Variants in INPP4B observed in about 807,000 individuals in gnomAD.
The protein encoded by INPP4B is inositol polyphosphate 4-phosphatase type II.
In INPP4B, 55 loss-of-function variants were observed where a neutral mutation model predicts 122.5. That is an observed-to-expected ratio of 0.45 (90% CI 0.36 to 0.56). The LOEUF (loss-of-function observed/expected upper bound fraction) is 0.56. Ranked by LOEUF, INPP4B falls within the 20% of genes least tolerant of loss-of-function variation. INPP4B has a pLI of 0.00. For synonymous variants in INPP4B, 403 were observed against 388.7 expected, an observed-to-expected ratio of 1.04 and a Z score of -0.43; for missense variants, 1,000 against 1,097.7, an observed-to-expected ratio of 0.91 and a Z score of 1.26.
chr4:142,352,169 C>T (rs1385309939), intron 7 of INPP4B, among the ~76,000 whole-genome samples: 1 of 151,800 alleles, frequency 6.6e-6, no homozygotes, highest in South Asian at 2.1e-4. Flanking sequence ...TTCTAAAGAC[C>T]GCTTTGTGTT....
intron 17 of INPP4B, among the ~76,000 whole-genome samples, chr4:142,149,966 C>A (rs1812920290): frequency 6.6e-6 from 1 of 152,188 alleles, no homozygotes; most frequent in South Asian, 2.1e-4. Flanking sequence ...TATTTTGAAA[C>A]TACGATGCTA....
At chr4:142,208,576 T>G in intron 13 of INPP4B, 47 bp from the exon 14 acceptor site, 1 of 1,011,670 alleles carries the variant, frequency 9.9e-7, no homozygotes, top group Non-Finnish European at 1.5e-6. Flanking sequence ...AATGATAAAT[T>G]AATATGTGTG....
At chr4:142,626,357 CTT>C (rs1180686398) in intron 2 of INPP4B, among the ~76,000 whole-genome samples, 1 of 151,942 alleles carries the variant, frequency 6.6e-6, no homozygotes, top group African/African-American at 2.4e-5. Flanking sequence ...CAGGGATCTT[CTT>C]TAAGTCAGAA....
chr4:142,666,873 C>T (rs1332598762), intron 2 of INPP4B, among the ~76,000 whole-genome samples: 12 of 152,144 alleles, frequency 7.9e-5, no homozygotes, highest in Non-Finnish European at 1.0e-4. Context: ...GTCAACACAA[C>T]CTGAGACTTT....
chr4:142,152,969 T>TA (rs577988206), intron 17 of INPP4B, among the ~76,000 whole-genome samples: 105 of 151,704 alleles, frequency 6.9e-4, no homozygotes, highest in African/African-American at 1.4e-3. Context: ...TATTTGGTAG[T>TA]AAAAAAAAAC....
chr4:142,633,568 T>C, intron 2 of INPP4B, among the ~76,000 whole-genome samples: 1 of 152,196 alleles, frequency 6.6e-6, no homozygotes, highest in Non-Finnish European at 1.5e-5. Context: ...AAGATCATGA[T>C]TGTTGGAGAA....
intron 1 of INPP4B, among the ~76,000 whole-genome samples, chr4:142,842,822 T>C (rs1284541610): frequency 1.5e-5 from 2 of 134,690 alleles, no homozygotes; most frequent in South Asian, 2.2e-4. Flanking sequence ...GTATGATATA[T>C]ATAAATTTAT....
At chr4:142,546,715 C>T (rs1829686038) in intron 2 of INPP4B, among the ~76,000 whole-genome samples, 1 of 152,250 alleles carries the variant, frequency 6.6e-6, no homozygotes, top group South Asian at 2.1e-4. Flanking sequence ...GTAGAGTCTT[C>T]ATATTGTCGG....
chr4:142,481,867 T>G, intron 2 of INPP4B, among the ~76,000 whole-genome samples: 1 of 152,192 alleles, frequency 6.6e-6, no homozygotes. Flanking sequence ...CTAGTGTTAA[T>G]AAGGAACTGG....
At chr4:142,792,295 A>T (rs1776656083) in intron 1 of INPP4B, among the ~76,000 whole-genome samples, 1 of 152,040 alleles carries the variant, frequency 6.6e-6, no homozygotes, top group Non-Finnish European at 1.5e-5. Flanking sequence ...TCCAATTGGC[A>T]AAACAATACA....
chr4:142,621,412 C>T lies in INPP4B; in HGVS notation c.-191+104427G>A, dbSNP rs571926687. Among the ~76,000 whole-genome samples, 3 of 152,038 alleles carry T rather than the reference C, an allele frequency of 2.0e-5. No homozygotes were observed. The South Asian group carries it at 6.2e-4, about 32-fold the overall frequency. ...TACAACCACACACCACTTATACAGT[C>T]CCCGTGCACTTGAAATTGCTTTAGA... On this transcript the variant is annotated intron_variant, in intron 2 of 25. Coordinates refer to ENST00000262992, the MANE Select transcript of INPP4B (RefSeq NM_001101669.3).
chr4:142,303,989 G>A (rs565969201), intron 9 of INPP4B, among the ~76,000 whole-genome samples: 17 of 152,176 alleles, frequency 1.1e-4, no homozygotes, highest in African/African-American at 4.1e-4. Context: ...TCTAAATGTT[G>A]CACTAGTGTG....
At chr4:142,277,135 G>T (rs1284127121) in intron 9 of INPP4B, among the ~76,000 whole-genome samples, 1 of 149,872 alleles carries the variant, frequency 6.7e-6, no homozygotes, top group African/African-American at 2.4e-5. Context: ...CTTCTTTAGA[G>T]AATTGTCTAT....
chr4:142,731,487 A>G (rs745474328), intron 1 of INPP4B, among the ~76,000 whole-genome samples: 1 of 152,228 alleles, frequency 6.6e-6, no homozygotes, highest in Admixed American at 6.5e-5. Context: ...AATCTTGAAT[A>G]TAAGGCTTTT....
chr4:142,133,969 C>T (rs1383278014), intron 18 of INPP4B, among the ~76,000 whole-genome samples: 1 of 152,160 alleles, frequency 6.6e-6, no homozygotes, highest in East Asian at 1.9e-4. Flanking sequence ...TTTTTTTCTA[C>T]AGCCTCTGTC....
chr4:142,386,568 T>C (rs1479891998), intron 7 of INPP4B, among the ~76,000 whole-genome samples: 1 of 152,210 alleles, frequency 6.6e-6, no homozygotes, highest in African/African-American at 2.4e-5. Context: ...GCAGCAATAC[T>C]TCAACCACTT....
At chr4:142,055,128 A>C (rs370726108) in intron 25 of INPP4B, among the ~76,000 whole-genome samples, 1 of 152,102 alleles carries the variant, frequency 6.6e-6, no homozygotes, top group Non-Finnish European at 1.5e-5. Context: ...TACTTTGTGC[A>C]CTTATAATTC....
chr4:142,055,499 T>A (rs1757136503), intron 25 of INPP4B, among the ~76,000 whole-genome samples: 1 of 152,072 alleles, frequency 6.6e-6, no homozygotes, highest in Non-Finnish European at 1.5e-5. Flanking sequence ...CACTTTAAAA[T>A]TAGATAACTT....
chr4:142,696,211 C>T (rs955461873), intron 2 of INPP4B, among the ~76,000 whole-genome samples: 2 of 152,092 alleles, frequency 1.3e-5, no homozygotes, highest in African/African-American at 4.8e-5. Flanking sequence ...AGATCATTTC[C>T]TCTGTGCCCT....
Sources: gnomAD v4.1 joint callset for allele counts (sites outside exome capture counted in the v4.1 genomes callset) on GRCh38, gnomAD v4.1.1 for gene constraint, MANE v1.5 for transcripts, NCBI Gene and HGNC (gene_info 2026-07-23, HGNC 2026-07-21) for gene names.